The following MYO7B variants were observed in gnomAD, a reference collection of about 807,000 sequenced individuals.
MYO7B encodes the protein myosin VIIB, also known as unconventional myosin-VIIb.
MYO7B carries 212 observed loss-of-function variants against 259.7 expected under a neutral mutation model. The observed-to-expected ratio is 0.82, with a 90% confidence interval of 0.73 to 0.91. The LOEUF (loss-of-function observed/expected upper bound fraction) is 0.91. MYO7B is among the 40% of genes least tolerant of loss of function. The pLI is 0.00. For missense variants in MYO7B, 2,732 were observed against 2,813.5 expected (o/e 0.97, Z 0.66); for synonymous variants, 1,197 against 1,166.4 (o/e 1.03, Z -0.54).
At chr2:127,588,270 G>T in intron 14 of MYO7B, 122 bp from the exon 15 acceptor site, 1 of 1,119,290 alleles carries the variant, frequency 8.9e-7, no homozygotes, top group East Asian at 2.6e-5. Context: ...TGGCCGTAGT[G>T]GGGCCATTGT....
At chr2:127,626,599 G>A (rs1226927837) in intron 31 of MYO7B, 5 of 181,722 alleles carry the variant, frequency 2.8e-5, no homozygotes, top group Non-Finnish European at 5.8e-5. Context: ...TGGCCAAGGT[G>A]GCAAGACCCC....
At position 127,576,927 on chromosome 2, in the gene MYO7B, G is replaced by T. The variant is rs967537556; in HGVS notation, c.849+219G>T. On this transcript the variant is annotated intron_variant, in intron 8 of 47. Transcript: ENST00000409816. The surrounding 1 kb of genome is among the most constrained non-coding windows in gnomAD (Gnocchi z 4.9). ...CCGTCACATGTACCCCATGCCCCAG[G>T]CTGGACCCGGGGCCTCCCCGCAGAC... Among the ~76,000 whole-genome samples the T allele has an allele frequency of 6.6e-6, 1 of 152,096 alleles. No homozygotes were observed. Among genetic ancestry groups the T allele is most frequent in the Admixed American group, 6.5e-5 (1 of 15,276 alleles).
chr2:127,608,634 C>T, intron 21 of MYO7B, 74 bp from the exon 22 acceptor site: 1 of 1,503,936 alleles, frequency 6.6e-7, no homozygotes, highest in Admixed American at 2.1e-5. Context: ...GGTGCTTGCC[C>T]TGTGGGGTAG....
rs745915489 is a variant in MYO7B at position 127,633,264 on chromosome 2, G to T, written c.5412G>T (p.Gly1804=). The stretch of plus-strand genomic sequence containing the variant: ...CACACGCTGTCCCCCTCAGGACGGG[G>T]CCCCGGAAGCAGCCCCCGCACCAGG... The part of the protein sequence containing the change: ...SRRIQKVLRT[G]PRKQPPHQVE... The change falls in exon 40 of 48, where the codon GGG becomes GGT. Residue 1804 remains glycine, a synonymous_variant. Transcript: ENST00000409816. The T allele has an allele frequency of 3.7e-6, 6 of 1,609,528 alleles. No homozygotes were observed. Among genetic ancestry groups the T allele is most frequent in the Non-Finnish European group, 5.1e-6 (6 of 1,178,634 alleles).
chr2:127,544,496 C>T (rs1003655365), intron 1 of MYO7B, among the ~76,000 whole-genome samples: 1 of 152,094 alleles, frequency 6.6e-6, no homozygotes, highest in Non-Finnish European at 1.5e-5. Context: ...GCAACCTCTG[C>T]CTCCCAGGTT....
Position 127,565,367 on chromosome 2 carries a change from C to G in MYO7B, c.267C>G (p.Tyr89Ter), listed in dbSNP as rs778608816. ...TGGTGCACAACCTCCTGATCCGCTA[C>G]CAGCAGCACAAGATCTATGTGAGTC... Reference protein sequence around the residue: ...AGMVHNLLIRYQQHKIYTYTG... With the variant: ...AGMVHNLLIR The change falls in exon 4 of 48, where the codon TAC (tyrosine) becomes TAG (stop). Residue 89 changes from tyrosine (Y) to a stop codon, truncating the protein, a stop_gained. Transcript: ENST00000409816. LOFTEE classifies it high-confidence loss of function. 3 of 1,614,046 alleles carry G rather than the reference C, an allele frequency of 1.9e-6. No individual in the cohort carries two copies. The highest frequency in any genetic ancestry group is 1.7e-6 in the Non-Finnish European group (2 of 1,179,870).
Position 127,590,132 on chromosome 2 carries a change from A to C in MYO7B, c.1895A>C (p.Gln632Pro). 6.2e-7 allele frequency: 1 copy of C among 1,606,834 alleles called. No homozygotes were observed. The highest frequency in any genetic ancestry group is 8.5e-7 in the Non-Finnish European group (1 of 1,177,214). The change falls in exon 16 of 48, where the codon CAG becomes CCG. Residue 632 changes from glutamine to proline, a missense_variant. Gln to Pro is a moderately conservative substitution (Grantham distance 76). Around this residue, in one of 3 missense-constraint regions of MYO7B, gnomAD observed 1,906 missense variants for 2,026.4 expected, o/e 0.94. Coordinates refer to ENST00000409816, the MANE Select transcript of MYO7B (RefSeq NM_001393586.1). The surrounding 1 kb of genome is among the most constrained non-coding windows in gnomAD (Gnocchi z 4.6). Reference protein sequence around the residue: ...SNKRPSTLGSQFKQSLDQLMK... With the variant: ...SNKRPSTLGSPFKQSLDQLMK... Reference sequence around the variant, plus strand: ...AAACGGCCCTCCACCTTAGGAAGCCAGTTCAAACAGTCTCTGGACCAGCTG... The same window carrying C: ...AAACGGCCCTCCACCTTAGGAAGCCCGTTCAAACAGTCTCTGGACCAGCTG...
chr2:127,612,537 G>A lies in MYO7B; in HGVS notation c.3332G>A (p.Arg1111Gln), dbSNP rs370023673. ...ALEPDGLGAD[R>Q]PMSNLEKVHF... is the part of the protein sequence containing the mutation. ...GAGCCTGATGGCCTTGGTGCAGACCGGCCCATGTCCAACCTGGAGAAGGTG... is the reference window on the plus strand; with the variant it reads ...GAGCCTGATGGCCTTGGTGCAGACCAGCCCATGTCCAACCTGGAGAAGGTG... The change falls in exon 26 of 48, where the codon CGG (arginine) becomes CAG (glutamine). Residue 1111 changes from arginine to glutamine, a missense_variant. Physicochemically the swap from Arg to Gln is conservative, Grantham distance 43. Around this residue, in one of 3 missense-constraint regions of MYO7B, gnomAD observed 1,906 missense variants for 2,026.4 expected, o/e 0.94. Coordinates refer to ENST00000409816, the MANE Select transcript of MYO7B (RefSeq NM_001393586.1). 34 of 1,590,178 alleles carry A rather than the reference G, an allele frequency of 2.1e-5. No individual in the cohort carries two copies. The highest frequency in any genetic ancestry group is 1.5e-4 in the South Asian group (13 of 86,822).
intron 24 of MYO7B, 73 bp from the exon 25 acceptor site, chr2:127,612,177 A>T: frequency 3.8e-6 from 2 of 521,078 alleles, no homozygotes; most frequent in Non-Finnish European, 7.4e-6. Flanking sequence ...GCTCCACCCC[A>T]GGAGGCTGTG....
At chr2:127,621,263 TTG>T (rs751955498) in intron 27 of MYO7B, among the ~76,000 whole-genome samples, 7 of 145,378 alleles carry the variant, frequency 4.8e-5, no homozygotes, top group Admixed American at 6.8e-5. Context: ...ATTTTTTTTT[TTG>T]TTTTTTTTTT....
chr2:127,620,281 CCT>C (rs1680780239), intron 26 of MYO7B, 57 bp from the exon 27 acceptor site: 3 of 1,555,980 alleles, frequency 1.9e-6, no homozygotes, highest in African/African-American at 1.3e-5. Context: ...CCCAGGTACC[CCT>C]GTCTCCTCTC....
Position 127,576,604 on chromosome 2 carries a change from G to T in MYO7B, c.745G>T (p.Glu249Ter), listed in dbSNP as rs1449848482. The T allele has an allele frequency of 6.3e-7, 1 of 1,598,836 alleles. No homozygotes were observed. The highest frequency in any genetic ancestry group is 8.6e-7 in the Non-Finnish European group (1 of 1,169,182). The change falls in exon 8 of 48, where the codon GAG becomes TAG. Residue 249 changes from glutamate (E) to a stop codon, truncating the protein, a stop_gained. Coordinates refer to ENST00000409816, the MANE Select transcript of MYO7B (RefSeq NM_001393586.1). LOFTEE classifies it high-confidence loss of function. The surrounding 1 kb of genome is among the most constrained non-coding windows in gnomAD (Gnocchi z 4.9). Reference sequence around the variant, plus strand: ...CCTCCCTCCCTCCCAGGCTCCCGAGGAGCGGAACTACCATATCTTCTACTG... The same window carrying T: ...CCTCCCTCCCTCCCAGGCTCCCGAGTAGCGGAACTACCATATCTTCTACTG... Reference protein sequence around the residue: ...KSRVCRQAPEERNYHIFYCML... With the variant: ...KSRVCRQAPE
rs1693239492 is a variant in MYO7B at position 127,546,681 on chromosome 2, T to A, written c.-24+10850T>A. 6.6e-6 allele frequency among the ~76,000 whole-genome samples: 1 copy of A among 152,138 alleles called. No individual in the cohort carries two copies. Among genetic ancestry groups the A allele is most frequent in the Non-Finnish European group, 1.5e-5 (1 of 68,024 alleles). On this transcript the variant is annotated intron_variant, in intron 1 of 47. Transcript: ENST00000409816. This position sits in a 1 kb window ranked among gnomAD's most constrained non-coding sequence, Gnocchi z 4.2. ...CAAAAGGAACTGGACTAAGAAGTCA[T>A]CCCATTCCCAAGGGGCAGAAAATTT...
At position 127,629,614 on chromosome 2, in the gene MYO7B, C is replaced by T. The variant is rs372892856; in HGVS notation, c.4625-31C>T. ...AGCACAGCCTCTGGCCCCTGCAGAG[C>T]CCTCAGCAAATAGCCTCCCTGCCCT... On this transcript the variant is annotated intron_variant, in intron 34 of 47. Coordinates refer to ENST00000409816, the MANE Select transcript of MYO7B (RefSeq NM_001393586.1). 901 of 1,598,874 alleles carry T rather than the reference C, an allele frequency of 5.6e-4. 11 individuals carry two copies. In the South Asian group the frequency reaches 8.8e-3, roughly 16 times the overall value.
Position 127,607,988 on chromosome 2 carries a change from A to C in MYO7B, c.2643+564A>C, listed in dbSNP as rs377172927. 1.3e-5 allele frequency among the ~76,000 whole-genome samples: 2 copies of C among 152,184 alleles called. No individual in the cohort carries two copies. The highest frequency in any genetic ancestry group is 4.8e-5 in the African/African-American group (2 of 41,440). On this transcript the variant is annotated intron_variant, in intron 21 of 47. Coordinates refer to ENST00000409816, the MANE Select transcript of MYO7B (RefSeq NM_001393586.1). The surrounding 1 kb of genome is among the most constrained non-coding windows in gnomAD (Gnocchi z 4.4). ...ATGACAGCTCAGGGGACAGAGAAAT[A>C]TTAATACCAAGGGGAGCTGCTGAGT...
intron 30 of MYO7B, among the ~76,000 whole-genome samples, chr2:127,625,141 G>T (rs1424285965): frequency 3.3e-5 from 5 of 152,228 alleles, no homozygotes; most frequent in Non-Finnish European, 5.9e-5. Context: ...GAGAGCAGCC[G>T]TTGTCCTCAG....
intron 19 of MYO7B, among the ~76,000 whole-genome samples, chr2:127,604,563 G>A (rs769882669): frequency 2.0e-5 from 3 of 152,252 alleles, no homozygotes; most frequent in East Asian, 1.9e-4. Flanking sequence ...GCTGTTTCGC[G>A]CAAGAGACCT....
intron 11 of MYO7B, 111 bp from the exon 12 acceptor site, chr2:127,582,193 G>C: frequency 1.4e-6 from 2 of 1,473,376 alleles, no homozygotes; most frequent in Non-Finnish European, 9.2e-7. Flanking sequence ...CTTTGAAGGA[G>C]GGATAACATC....
intron 10 of MYO7B, among the ~76,000 whole-genome samples, chr2:127,581,206 G>A (rs1679085130): frequency 6.6e-6 from 1 of 152,124 alleles, no homozygotes; most frequent in African/African-American, 2.4e-5. Context: ...GCTTCTCCGG[G>A]GCTTGCACTA....
Sources: allele counts gnomAD v4.1 joint callset (sites outside exome capture counted in the v4.1 genomes callset), GRCh38; gene constraint gnomAD v4.1.1; regional missense constraint gnomAD v4.1.1; non-coding constraint Gnocchi (gnomAD v3.1); transcripts MANE v1.5; gene names NCBI Gene and HGNC (gene_info 2026-07-23, HGNC 2026-07-21).